MLPH: variants seen among roughly 807,000 people sequenced by gnomAD.
The protein encoded by MLPH is melanophilin, also known as exophilin-3.
In MLPH, 51 loss-of-function variants were observed where a neutral mutation model predicts 72.1. The ratio of observed to expected loss-of-function variants is 0.71; its 90% CI spans 0.56 to 0.89. The LOEUF (loss-of-function observed/expected upper bound fraction) is 0.89. Among genes scored for constraint, MLPH ranks in the 40% least tolerant of loss-of-function variants. MLPH has a pLI of 0.00. For missense variants in MLPH, 743 were observed against 759.9 expected (o/e 0.98, Z 0.26); for synonymous variants, 301 against 310.1 (o/e 0.97, Z 0.31).
At chr2:237,487,034 C>T (rs563218763), upstream of MLPH, 17 of 152,358 alleles carry the variant, frequency 1.1e-4, no homozygotes, top group African/African-American at 4.1e-4. Flanking sequence ...GTGTGCTCAA[C>T]TTTCCCCTCC....
intron 1 of MLPH, among the ~76,000 whole-genome samples, chr2:237,493,108 G>A (rs1031283904): frequency 2.6e-5 from 4 of 152,214 alleles, no homozygotes; most frequent in African/African-American, 7.2e-5. Context: ...CCTGGATGGG[G>A]AGATCACTGA....
At chr2:237,518,120 A>G (rs1054577354) in intron 4 of MLPH, 108 of 325,276 alleles carry the variant, frequency 3.3e-4, no homozygotes, top group African/African-American at 2.6e-3. Flanking sequence ...TGAAGGAGGG[A>G]TGGAGGGATG....
At chr2:237,521,374 A>G (rs894537884) in intron 6 of MLPH, among the ~76,000 whole-genome samples, 4 of 152,080 alleles carry the variant, frequency 2.6e-5, no homozygotes, top group Admixed American at 6.6e-5. Flanking sequence ...ATAACAAGGG[A>G]GGAGGAGGTG....
chr2:237,540,245 A>G (rs928627376), intron 9 of MLPH, 103 bp from the exon 10 acceptor site: 2 of 1,310,256 alleles, frequency 1.5e-6, no homozygotes, highest in Non-Finnish European at 2.1e-6. Flanking sequence ...CTCAGCAGGA[A>G]CCCCAGGTGT....
rs201705751 is a variant in MLPH, at chr2:237,516,830, A to AGGAT, written c.446-1687_446-1684dup. On this transcript the variant is annotated intron_variant, in intron 4 of 15. Transcript: ENST00000264605. ...ATGGATGGATGGATGGATGGATGGT[A>AGGAT]GGATGGATGGATGGATGGATGGATG... is the stretch of plus-strand genomic sequence containing the variant. 6.0e-3 allele frequency among the ~76,000 whole-genome samples: 687 copies of AGGAT among 115,192 alleles called. 2 individuals are homozygous for AGGAT. Among genetic ancestry groups the AGGAT allele is most frequent in the Non-Finnish European group, 7.2e-3 (388 of 53,706 alleles). The allele number at this position is 115,192 out of a possible 152,430, so 75.6% of individuals were successfully genotyped here.
chr2:237,529,306 G>T (rs560695925), intron 8 of MLPH, among the ~76,000 whole-genome samples: 1 of 152,328 alleles, frequency 6.6e-6, no homozygotes, highest in African/African-American at 2.4e-5. Flanking sequence ...GCCTCCCAAA[G>T]TGTTGGGATT....
rs143906191 is a variant in MLPH, at chr2:237,511,028, T to C, written c.372T>C (p.His124=). Residue 124 remains histidine (H), a synonymous_variant, in exon 4 of 16, where the codon CAT becomes CAC. Coordinates refer to ENST00000264605, the MANE Select transcript of MLPH (RefSeq NM_024101.7). ...KIGSLEWYYE[H]VKARFKRFGS... is the part of the protein sequence containing the mutation. Reference sequence around the variant, plus strand: ...GCTCACTGGAGTGGTACTATGAGCATGTGAAAGCCCGCTTCAAGAGGTTCG... The same window carrying C: ...GCTCACTGGAGTGGTACTATGAGCACGTGAAAGCCCGCTTCAAGAGGTTCG... 2.4e-4 allele frequency: 385 copies of C among 1,613,892 alleles called. 3 individuals are homozygous for C. The African/African-American group carries it at 4.3e-3, about 18-fold the overall frequency.
chr2:237,514,197 T>C (rs909153313), intron 4 of MLPH, among the ~76,000 whole-genome samples: 1 of 152,086 alleles, frequency 6.6e-6, no homozygotes, highest in African/African-American at 2.4e-5. Context: ...TGGGGCGGGA[T>C]GCTCTCTGGA....
Position 237,525,939 on chromosome 2 carries a change from C to T in MLPH, c.880+134C>T, listed in dbSNP as rs113517105. 5.4e-4 allele frequency: 489 copies of T among 903,714 alleles called. 2 individuals carry two copies. In the African/African-American group the frequency reaches 6.4e-3, roughly 12 times the overall value. The allele number at this position is 903,714 out of a possible 1,614,324, so 56.0% of individuals were successfully genotyped here. ...GGCCCCTTCCTTTGGCGTGATTGTCCGGGACGTGCAGTCCCAGCAAACACC... is the reference window on the plus strand; with the variant it reads ...GGCCCCTTCCTTTGGCGTGATTGTCTGGGACGTGCAGTCCCAGCAAACACC... On this transcript the variant is annotated intron_variant, in intron 7 of 15. Coordinates refer to ENST00000264605, the MANE Select transcript of MLPH (RefSeq NM_024101.7).
At chr2:237,545,223 A>G (rs1207147441) in intron 12 of MLPH, among the ~76,000 whole-genome samples, 6 of 139,450 alleles carry the variant, frequency 4.3e-5, no homozygotes, top group Non-Finnish European at 7.7e-5. Context: ...GAGTGGGGAC[A>G]GTGGTGAGTG....
At chr2:237,535,048 A>G (rs2080503449) in intron 9 of MLPH, among the ~76,000 whole-genome samples, 1 of 152,216 alleles carries the variant, frequency 6.6e-6, no homozygotes, top group Non-Finnish European at 1.5e-5. Context: ...TTAGTCTGCT[A>G]TATGCTGCTA....
intron 2 of MLPH, among the ~76,000 whole-genome samples, chr2:237,501,673 A>C (rs2079651792): frequency 7.7e-6 from 1 of 130,254 alleles, no homozygotes; most frequent in Admixed American, 7.5e-5. Flanking sequence ...CTAAAAAAAA[A>C]AAAAAAAAAA....
At chr2:237,487,838 T>C (rs958152008) in intron 1 of MLPH, among the ~76,000 whole-genome samples, 1 of 152,054 alleles carries the variant, frequency 6.6e-6, no homozygotes, top group Admixed American at 6.5e-5. Context: ...CAGGAGCTGG[T>C]CTTGGGGTGA....
At chr2:237,495,429 G>A (rs947095259) in intron 2 of MLPH, among the ~76,000 whole-genome samples, 11 of 152,202 alleles carry the variant, frequency 7.2e-5, no homozygotes, top group Non-Finnish European at 7.3e-5. Context: ...ATAGGAGACC[G>A]CACTGGAAGG....
chr2:237,533,605 T>A (rs551480808), intron 8 of MLPH, among the ~76,000 whole-genome samples: 4 of 152,324 alleles, frequency 2.6e-5, no homozygotes, highest in African/African-American at 9.6e-5. Context: ...TTGGCCAGGC[T>A]GGTCTCGAAC....
In MLPH at chr2:237,510,643, C is replaced by T. The variant is rs2292878; in HGVS notation, c.180C>T (p.Asn60=). The T allele has an allele frequency of 6.7e-3, 10,852 of 1,613,750 alleles. 278 individuals are homozygous for T. The highest frequency in any genetic ancestry group is 0.054 in the South Asian group (4,873 of 91,082). ...RELLSDTAHL[N]ETHCARCLQP... Reference sequence around the variant, plus strand: ...TGCTTTCCGACACTGCCCATCTGAACGAGACCCACTGCGCCCGCTGCCTGC... The same window carrying T: ...TGCTTTCCGACACTGCCCATCTGAATGAGACCCACTGCGCCCGCTGCCTGC... Residue 60 remains asparagine (N), a synonymous_variant, in exon 3 of 16, where the codon AAC becomes AAT. Coordinates refer to ENST00000264605, the MANE Select transcript of MLPH (RefSeq NM_024101.7). The surrounding 1 kb of genome is among the most constrained non-coding windows in gnomAD (Gnocchi z 4.4).
At chr2:237,496,980 G>A (rs185839974) in intron 2 of MLPH, among the ~76,000 whole-genome samples, 4 of 152,292 alleles carry the variant, frequency 2.6e-5, no homozygotes, top group Admixed American at 1.3e-4. Flanking sequence ...ACCAGAGACC[G>A]GTTTCATAGA....
intron 13 of MLPH, among the ~76,000 whole-genome samples, chr2:237,547,930 A>C (rs891671158): frequency 9.2e-5 from 14 of 152,160 alleles, no homozygotes; most frequent in African/African-American, 3.4e-4. Flanking sequence ...CTTTAGCTTC[A>C]GGCCTTACCT....
Position 237,520,268 on chromosome 2 carries a change from C to T in MLPH, c.675+239C>T, listed in dbSNP as rs6746485. 0.033 allele frequency among the ~76,000 whole-genome samples: 4,972 copies of T among 152,132 alleles called. 286 individuals are homozygous for T. The highest frequency in any genetic ancestry group is 0.11 in the African/African-American group (4,661 of 41,472). On this transcript the variant is annotated intron_variant, in intron 6 of 15. Transcript: ENST00000264605. Reference sequence around the variant, plus strand: ...GCAGGCAGCTTGGAGAAGCAGGGGGCGATGCAGGGCCCTGAGACTGGACAG... The same window carrying T: ...GCAGGCAGCTTGGAGAAGCAGGGGGTGATGCAGGGCCCTGAGACTGGACAG...
Sources: allele counts gnomAD v4.1 joint callset (sites outside exome capture counted in the v4.1 genomes callset), GRCh38; gene constraint gnomAD v4.1.1; non-coding constraint Gnocchi (gnomAD v3.1); transcripts MANE v1.5; gene names NCBI Gene and HGNC (gene_info 2026-07-23, HGNC 2026-07-21).